Variants in CCSER1 observed in about 807,000 individuals in gnomAD.
CCSER1 encodes coiled-coil serine rich protein 1.
A neutral mutation model predicts 82.0 loss-of-function variants in CCSER1; 41 were observed. That is an observed-to-expected ratio of 0.50 (90% CI 0.39 to 0.65). The LOEUF (loss-of-function observed/expected upper bound fraction) is 0.65. CCSER1 is among the 30% of genes least tolerant of loss of function. The pLI is 0.00. For synonymous variants in CCSER1, 414 were observed against 383.9 expected, an observed-to-expected ratio of 1.08 and a Z score of -0.92; for missense variants, 1,119 against 1,064.2, an observed-to-expected ratio of 1.05 and a Z score of -0.72.
At chr4:90,417,643 A>G (rs546022560) in intron 4 of CCSER1, among the ~76,000 whole-genome samples, 1 of 152,160 alleles carries the variant, frequency 6.6e-6, no homozygotes, top group Non-Finnish European at 1.5e-5. Context: ...AAAATGGGGA[A>G]GTAATGGCCC....
chr4:90,839,277 C>G (rs981670203), intron 8 of CCSER1, among the ~76,000 whole-genome samples: 3 of 152,160 alleles, frequency 2.0e-5, no homozygotes, highest in Non-Finnish European at 4.4e-5. Flanking sequence ...TCAGTTAATT[C>G]TATCACACAC....
chr4:91,474,103 C>T (rs897404241), intron 10 of CCSER1, among the ~76,000 whole-genome samples: 6 of 151,952 alleles, frequency 3.9e-5, no homozygotes, highest in Admixed American at 1.3e-4. Flanking sequence ...TATCTAATTT[C>T]CTTGACTAGC....
chr4:90,950,374 T>C (rs1732763951), intron 9 of CCSER1, among the ~76,000 whole-genome samples: 1 of 152,104 alleles, frequency 6.6e-6, no homozygotes, highest in Non-Finnish European at 1.5e-5. Flanking sequence ...AACTGAGATA[T>C]ATTTTTATTA....
At position 90,561,778 on chromosome 4, in the gene CCSER1, A is replaced by G. The variant is rs148742730; in HGVS notation, c.1725-66247A>G. Reference sequence around the variant, plus strand: ...AGTAAGTATATGTCTGTCTCTACATATAGTATTTTCCTATTTATCCAGCTC... The same window carrying G: ...AGTAAGTATATGTCTGTCTCTACATGTAGTATTTTCCTATTTATCCAGCTC... On this transcript the variant is annotated intron_variant, in intron 5 of 10. Transcript: ENST00000509176. Among the ~76,000 whole-genome samples the G allele has an allele frequency of 7.5e-4, 115 of 152,326 alleles. 1 individual carries two copies. The East Asian group carries it at 0.014, about 19-fold the overall frequency.
chr4:91,219,169 C>T (rs62310759), intron 10 of CCSER1, among the ~76,000 whole-genome samples: 1 of 152,002 alleles, frequency 6.6e-6, no homozygotes, highest in Non-Finnish European at 1.5e-5. Context: ...TCTAATCATT[C>T]CTCAAAAACA....
intron 10 of CCSER1, among the ~76,000 whole-genome samples, chr4:91,577,414 C>T (rs1560776154): frequency 6.6e-6 from 1 of 151,920 alleles, no homozygotes; most frequent in East Asian, 1.9e-4. Flanking sequence ...TCAAAGAGAA[C>T]TCCTTGCGGA....
At chr4:90,934,954 A>T (rs1730745924) in intron 9 of CCSER1, among the ~76,000 whole-genome samples, 1 of 152,050 alleles carries the variant, frequency 6.6e-6, no homozygotes, top group African/African-American at 2.4e-5. Flanking sequence ...ACACACACAG[A>T]CACACACAAA....
chr4:90,272,682 A>G (rs1468749140), intron 1 of CCSER1, among the ~76,000 whole-genome samples: 1 of 152,206 alleles, frequency 6.6e-6, no homozygotes. Context: ...TGATGAATAG[A>G]TAAAGAAAGT....
intron 9 of CCSER1, among the ~76,000 whole-genome samples, chr4:90,995,888 A>C (rs900565517): frequency 2.6e-5 from 4 of 152,052 alleles, no homozygotes; most frequent in African/African-American, 9.7e-5. Flanking sequence ...TTATTTTTTA[A>C]ATGATAATTT....
intron 5 of CCSER1, among the ~76,000 whole-genome samples, chr4:90,550,524 T>A (rs922530939): frequency 2.0e-5 from 3 of 152,276 alleles, no homozygotes; most frequent in Admixed American, 2.0e-4. Flanking sequence ...TCTAATCCAT[T>A]TAAACTATCA....
rs374824962 is a variant in CCSER1, at chr4:91,217,378, TCTC to T, written c.2217+131386_2217+131388del. Among the ~76,000 whole-genome samples, 1,021 of 152,204 alleles carry T rather than the reference TCTC, an allele frequency of 6.7e-3. 11 individuals are homozygous for T. The highest frequency in any genetic ancestry group is 0.023 in the African/African-American group (965 of 41,518). On this transcript the variant is annotated intron_variant, in intron 10 of 10. Transcript: ENST00000509176. ...CAATCCCTGAGCTAGATACAAAGGT[TCTC>T]CACCTCCCCATCAGATTAGTTAGAT...
intron 8 of CCSER1, among the ~76,000 whole-genome samples, chr4:90,898,733 C>G (rs545692627): frequency 2.0e-5 from 3 of 152,018 alleles, no homozygotes; most frequent in Admixed American, 2.0e-4. Context: ...TTTTTGTATA[C>G]TTGGTTGAAG....
chr4:91,297,350 G>A (rs1744264026), intron 10 of CCSER1, among the ~76,000 whole-genome samples: 1 of 149,328 alleles, frequency 6.7e-6, no homozygotes, highest in Non-Finnish European at 1.5e-5. Context: ...CTGCTCACCT[G>A]AGGAGAATGG....
chr4:90,820,960 G>T (rs1293619264), intron 8 of CCSER1, among the ~76,000 whole-genome samples: 1 of 151,976 alleles, frequency 6.6e-6, no homozygotes, highest in Non-Finnish European at 1.5e-5. Flanking sequence ...TGTATAATCA[G>T]AAAAACACCA....
chr4:90,131,440 T>C (rs1236921400), intron 1 of CCSER1, among the ~76,000 whole-genome samples: 1 of 152,204 alleles, frequency 6.6e-6, no homozygotes, highest in African/African-American at 2.4e-5. Context: ...CACCTCTTTA[T>C]AGTGAGGTGT....
rs576068801 is a variant in CCSER1 at position 91,163,773 on chromosome 4, G to C, written c.2217+77779G>C. On this transcript the variant is annotated intron_variant, in intron 10 of 10. Coordinates refer to ENST00000509176, the MANE Select transcript of CCSER1 (RefSeq NM_001145065.2). ...TGCAATCCCTGCTTTTTTTTGCTTT[G>C]CATTTGCTTGGTAGATCTTCCTCTA... 7.3e-5 allele frequency among the ~76,000 whole-genome samples: 11 copies of C among 151,080 alleles called. No homozygotes were observed. In the East Asian group the frequency reaches 1.2e-3, roughly 16 times the overall value.
At chr4:91,594,354 T>C (rs762021917) in intron 10 of CCSER1, among the ~76,000 whole-genome samples, 17 of 146,726 alleles carry the variant, frequency 1.2e-4, no homozygotes, top group Non-Finnish European at 2.1e-4. Context: ...TACATATATA[T>C]ACACATATAT....
At chr4:90,927,804 A>C in intron 9 of CCSER1, among the ~76,000 whole-genome samples, 1 of 152,072 alleles carries the variant, frequency 6.6e-6, no homozygotes, top group East Asian at 1.9e-4. Flanking sequence ...ATAGTTCATC[A>C]TGCTGTATTC....
intron 10 of CCSER1, among the ~76,000 whole-genome samples, chr4:91,390,425 G>A (rs1297916133): frequency 6.6e-6 from 1 of 151,696 alleles, no homozygotes; most frequent in Non-Finnish European, 1.5e-5. Context: ...TTCATATATT[G>A]TTGGATTTTA....
Sources: gnomAD v4.1 joint callset for allele counts (sites outside exome capture counted in the v4.1 genomes callset) on GRCh38, gnomAD v4.1.1 for gene constraint, MANE v1.5 for transcripts, NCBI Gene and HGNC (gene_info 2026-07-23, HGNC 2026-07-21) for gene names.